Variants in NALF1 observed in about 807,000 individuals in gnomAD.
The protein encoded by NALF1 is family with sequence similarity 155 member A.
A neutral mutation model predicts 48.4 loss-of-function variants in NALF1; 3 were observed. The ratio of observed to expected loss-of-function variants is 0.06; its 90% CI spans 0.03 to 0.16. The LOEUF (loss-of-function observed/expected upper bound fraction) is 0.16. NALF1 is among the 10% of genes least tolerant of loss of function. The pLI, the probability that NALF1 is intolerant of heterozygous loss-of-function variation, is 1.00. For synonymous variants in NALF1, 262 were observed against 245.7 expected (o/e 1.07, Z -0.62); for missense variants, 526 against 571.5 (o/e 0.92, Z 0.81).
At chr13:107,682,872 C>A (rs987681954) in intron 1 of NALF1, among the ~76,000 whole-genome samples, 2 of 152,106 alleles carry the variant, frequency 1.3e-5, no homozygotes, top group Non-Finnish European at 2.9e-5. Context: ...AGTATGGTCC[C>A]AAACTCTTTC....
intron 1 of NALF1, among the ~76,000 whole-genome samples, chr13:107,701,134 T>C (rs970598887): frequency 5.9e-5 from 9 of 152,094 alleles, no homozygotes; most frequent in Non-Finnish European, 1.5e-5. Flanking sequence ...CTCTTTGGGG[T>C]GCATACCCAA....
At chr13:107,269,785 T>C (rs766757871) in intron 1 of NALF1, among the ~76,000 whole-genome samples, 6 of 152,100 alleles carry the variant, frequency 3.9e-5, no homozygotes, top group Non-Finnish European at 8.8e-5. Context: ...GCAATTCTGT[T>C]TTATTATATA....
chr13:107,406,896 C>T (rs1011397759), intron 1 of NALF1, among the ~76,000 whole-genome samples: 4 of 152,080 alleles, frequency 2.6e-5, no homozygotes, highest in Non-Finnish European at 5.9e-5. Flanking sequence ...ACCAAAACAG[C>T]ATGGGACTGG....
intron 1 of NALF1, among the ~76,000 whole-genome samples, chr13:107,369,785 T>C (rs778362179): frequency 1.3e-5 from 2 of 152,162 alleles, no homozygotes; most frequent in Non-Finnish European, 2.9e-5. Context: ...ATTCTTGAAA[T>C]CATATAATAT....
intron 1 of NALF1, among the ~76,000 whole-genome samples, chr13:107,445,883 T>A (rs1304661463): frequency 6.6e-6 from 1 of 152,192 alleles, no homozygotes; most frequent in African/African-American, 2.4e-5. Context: ...CTGTGATTTA[T>A]TCTTTATTTG....
intron 1 of NALF1, among the ~76,000 whole-genome samples, chr13:107,613,100 C>T (rs117242552): frequency 0.011 from 1,691 of 152,062 alleles, 11 homozygotes; most frequent in South Asian, 0.019. Flanking sequence ...GGACTCAGAT[C>T]ACAGGGAAAG....
chr13:107,598,582 C>T (rs1323034111), intron 1 of NALF1, among the ~76,000 whole-genome samples: 4 of 152,268 alleles, frequency 2.6e-5, no homozygotes, highest in Admixed American at 2.6e-4. Context: ...CCAGAATGTG[C>T]CTTTCTCAGA....
chr13:107,460,562 T>C (rs1228915484), intron 1 of NALF1, among the ~76,000 whole-genome samples: 1 of 152,214 alleles, frequency 6.6e-6, no homozygotes, highest in South Asian at 2.1e-4. Flanking sequence ...GATTCTGTGG[T>C]TAAGAAAAGC....
At chr13:107,391,698 C>A (rs1883629921) in intron 1 of NALF1, among the ~76,000 whole-genome samples, 1 of 152,142 alleles carries the variant, frequency 6.6e-6, no homozygotes, top group Non-Finnish European at 1.5e-5. Context: ...TGTCTTCAGA[C>A]AAATTCAACC....
chr13:107,828,273 C>T (rs1331505895), intron 1 of NALF1, among the ~76,000 whole-genome samples: 1 of 152,104 alleles, frequency 6.6e-6, no homozygotes, highest in Admixed American at 6.5e-5. Flanking sequence ...TTATCTGGCC[C>T]ATATCCACGT....
intron 2 of NALF1, among the ~76,000 whole-genome samples, chr13:107,205,482 G>T (rs1187712850): frequency 3.9e-5 from 6 of 152,000 alleles, no homozygotes; most frequent in African/African-American, 1.4e-4. Flanking sequence ...CTCTGCAGGC[G>T]CGCAGAGTCG....
At chr13:107,504,938 G>C (rs1875646964) in intron 1 of NALF1, among the ~76,000 whole-genome samples, 1 of 152,220 alleles carries the variant, frequency 6.6e-6, no homozygotes, top group Admixed American at 6.5e-5. Flanking sequence ...AGGTCTGGGA[G>C]ATCCAGTGTC....
chr13:107,291,802 T>A (rs1350152895), intron 1 of NALF1, among the ~76,000 whole-genome samples: 1 of 152,202 alleles, frequency 6.6e-6, no homozygotes, highest in Admixed American at 6.5e-5. Flanking sequence ...AAGGAAAACA[T>A]TTTTAAAATG....
chr13:107,173,497 T>G (rs1035910090), intron 2 of NALF1, among the ~76,000 whole-genome samples: 2 of 152,196 alleles, frequency 1.3e-5, no homozygotes, highest in African/African-American at 4.8e-5. Context: ...GCATTGCCAG[T>G]TCTTTCAGCT....
intron 1 of NALF1, among the ~76,000 whole-genome samples, chr13:107,745,497 C>T (rs918460550): frequency 2.0e-5 from 3 of 152,168 alleles, no homozygotes; most frequent in Non-Finnish European, 2.9e-5. Flanking sequence ...TTCCATCACT[C>T]ACTCTTTTTT....
At chr13:107,352,631 C>T (rs749502645) in intron 1 of NALF1, among the ~76,000 whole-genome samples, 2 of 152,172 alleles carry the variant, frequency 1.3e-5, no homozygotes, top group African/African-American at 2.4e-5. Context: ...ATCCCATTCA[C>T]AAGAGCTTTA....
intron 1 of NALF1, among the ~76,000 whole-genome samples, chr13:107,348,442 T>C (rs1304262565): frequency 6.6e-6 from 1 of 152,190 alleles, no homozygotes; most frequent in Non-Finnish European, 1.5e-5. Context: ...TTTTAAAATT[T>C]TACTTTAACT....
chr13:107,559,720 A>C (rs1877588142), intron 1 of NALF1, among the ~76,000 whole-genome samples: 2 of 152,180 alleles, frequency 1.3e-5, no homozygotes, highest in Non-Finnish European at 2.9e-5. Flanking sequence ...CAACAGCAAA[A>C]GCTTTAGGGT....
intron 1 of NALF1, among the ~76,000 whole-genome samples, chr13:107,724,847 C>A (rs1876102517): frequency 6.6e-6 from 1 of 152,120 alleles, no homozygotes; most frequent in Non-Finnish European, 1.5e-5. Flanking sequence ...TCCCAAAGCT[C>A]TGGGATTACA....
Sources: allele counts gnomAD v4.1 joint callset (sites outside exome capture counted in the v4.1 genomes callset), GRCh38; gene constraint gnomAD v4.1.1; transcripts MANE v1.5; gene names NCBI Gene and HGNC (gene_info 2026-07-23, HGNC 2026-07-21).